Variants in SMPD3 observed in about 807,000 individuals in gnomAD.
SMPD3 encodes nSMase-2.
SMPD3 carries 21 observed loss-of-function variants against 55.7 expected under a neutral mutation model. That is an observed-to-expected ratio of 0.38 (90% CI 0.27 to 0.54). The LOEUF (loss-of-function observed/expected upper bound fraction) is 0.54, where lower values mean the gene tolerates loss of function less well. Ranked by LOEUF, SMPD3 falls within the 20% of genes least tolerant of loss-of-function variation. SMPD3 has a pLI of 0.80. For missense variants in SMPD3, 842 were observed against 899.6 expected (o/e 0.94, Z 0.82); for synonymous variants, 457 against 404.3 (o/e 1.13, Z -1.56).
chr16:68,396,782 A>G (rs2090161373), intron 1 of SMPD3, among the ~76,000 whole-genome samples: 1 of 152,254 alleles, frequency 6.6e-6, no homozygotes, highest in African/African-American at 2.4e-5. Flanking sequence ...TATTGCCTCA[A>G]TGAGGCTACT....
intron 1 of SMPD3, among the ~76,000 whole-genome samples, chr16:68,439,557 C>T (rs1597671280): frequency 6.6e-6 from 1 of 152,228 alleles, no homozygotes; most frequent in Non-Finnish European, 1.5e-5. Flanking sequence ...CCTCAATTCA[C>T]CCGCTATGCT....
intron 1 of SMPD3, among the ~76,000 whole-genome samples, chr16:68,408,317 C>G (rs1013865764): frequency 1.6e-4 from 25 of 152,146 alleles, no homozygotes; most frequent in African/African-American, 6.0e-4. Context: ...ATTGTAGCCA[C>G]ACATAAAGCT....
At chr16:68,436,276 C>A (rs1307778647) in intron 1 of SMPD3, among the ~76,000 whole-genome samples, 1 of 152,158 alleles carries the variant, frequency 6.6e-6, no homozygotes, top group Non-Finnish European at 1.5e-5. Context: ...GGCTTTTCCC[C>A]TTCTATGTGT....
chr16:68,406,859 A>G (rs1016203819), intron 1 of SMPD3, among the ~76,000 whole-genome samples: 1 of 152,196 alleles, frequency 6.6e-6, no homozygotes, highest in African/African-American at 2.4e-5. Flanking sequence ...ACAGACATTT[A>G]CAAACATTTG....
chr16:68,362,730 G>A (rs1360598808), intron 7 of SMPD3, among the ~76,000 whole-genome samples: 1 of 152,252 alleles, frequency 6.6e-6, no homozygotes, highest in Non-Finnish European at 1.5e-5. Flanking sequence ...TCAGGACATT[G>A]TTACAGCTCA....
chr16:68,375,884 T>G (rs1036081064), intron 2 of SMPD3, among the ~76,000 whole-genome samples: 2 of 152,198 alleles, frequency 1.3e-5, no homozygotes, highest in African/African-American at 2.4e-5. Context: ...ATGCCAGCCC[T>G]TCCCGCTGCC....
At chr16:68,368,783 A>G (rs9931501) in intron 3 of SMPD3, 118,772 of 152,172 alleles carry the variant, frequency 0.78, 47,237 homozygotes, top group African/African-American at 0.94. Flanking sequence ...AGGTGTCATG[A>G]TGGTTGCTGG....
At chr16:68,381,845 C>A (rs145636064) in intron 2 of SMPD3, among the ~76,000 whole-genome samples, 1 of 152,312 alleles carries the variant, frequency 6.6e-6, no homozygotes, top group East Asian at 1.9e-4. Flanking sequence ...AGTCCACTTA[C>A]TTGATGCTGA....
intron 1 of SMPD3, among the ~76,000 whole-genome samples, chr16:68,402,641 C>A (rs2090220368): frequency 6.6e-6 from 1 of 152,040 alleles, no homozygotes; most frequent in Non-Finnish European, 1.5e-5. Flanking sequence ...CCCCGATGAC[C>A]AACAGCGACC....
At chr16:68,364,013 T>G (rs1465469) in intron 5 of SMPD3, 147 bp from the exon 6 acceptor site, 403,421 of 674,034 alleles carry the variant, frequency 0.6, 122,826 homozygotes, top group East Asian at 0.8. Flanking sequence ...CTCAGTCCCA[T>G]TCAGGTGCCC....
intron 6 of SMPD3, 96 bp downstream of exon 6, chr16:68,363,681 C>T (rs2089386341): frequency 8.2e-6 from 12 of 1,456,094 alleles, no homozygotes; most frequent in Admixed American, 1.9e-5. Context: ...GGGGCCCTTC[C>T]CCAGCAGTGG....
At chr16:68,401,582 C>T (rs1201755020) in intron 1 of SMPD3, among the ~76,000 whole-genome samples, 1 of 152,078 alleles carries the variant, frequency 6.6e-6, no homozygotes, top group Non-Finnish European at 1.5e-5. Context: ...GTCCAAGAAT[C>T]TCCCTGAATC....
intron 1 of SMPD3, among the ~76,000 whole-genome samples, chr16:68,412,263 G>A (rs1205289315): frequency 6.6e-6 from 1 of 152,214 alleles, no homozygotes; most frequent in Non-Finnish European, 1.5e-5. Context: ...AGCAGCCCAA[G>A]CCCTGTGCCA....
At chr16:68,375,112 C>A (rs1597614324) in intron 2 of SMPD3, among the ~76,000 whole-genome samples, 1 of 152,318 alleles carries the variant, frequency 6.6e-6, no homozygotes, top group East Asian at 1.9e-4. Context: ...TCCTGCCTCA[C>A]CCCGGCACTG....
intron 1 of SMPD3, among the ~76,000 whole-genome samples, chr16:68,406,845 G>A (rs1012893889): frequency 6.6e-6 from 1 of 152,138 alleles, no homozygotes; most frequent in Non-Finnish European, 1.5e-5. Context: ...GAGGAGACAC[G>A]GCCACAGACA....
chr16:68,421,149 C>G (rs2090390161), intron 1 of SMPD3, among the ~76,000 whole-genome samples: 1 of 152,204 alleles, frequency 6.6e-6, no homozygotes, highest in Admixed American at 6.5e-5. Flanking sequence ...CAGAGACCAC[C>G]AGCATGTCGG....
At position 68,363,759 on chromosome 16, in the gene SMPD3, C is replaced by T; in HGVS notation, c.1645+18G>A. 1.9e-6 allele frequency: 3 copies of T among 1,553,452 alleles called. No homozygotes were observed. Among genetic ancestry groups the T allele is most frequent in the Non-Finnish European group, 2.6e-6 (3 of 1,149,392 alleles). ...TGGGGAGCCCAGCTCCCATCCTCCTCCCCCAGCCCCAGCTCACCGATGGCC... is the reference window on the plus strand; with the variant it reads ...TGGGGAGCCCAGCTCCCATCCTCCTTCCCCAGCCCCAGCTCACCGATGGCC... On this transcript the variant is annotated intron_variant, in intron 6 of 8. Coordinates refer to ENST00000219334, the MANE Select transcript of SMPD3 (RefSeq NM_018667.4).
intron 1 of SMPD3, among the ~76,000 whole-genome samples, chr16:68,416,000 A>G (rs1157409893): frequency 6.6e-6 from 1 of 152,204 alleles, no homozygotes; most frequent in Non-Finnish European, 1.5e-5. Context: ...TAGGGTAGCT[A>G]TTTAAAGAGT....
intron 1 of SMPD3, among the ~76,000 whole-genome samples, chr16:68,415,476 C>T (rs1408559640): frequency 1.3e-5 from 2 of 152,142 alleles, no homozygotes; most frequent in African/African-American, 2.4e-5. Flanking sequence ...GGTTTGTTTT[C>T]CTGGACAGAA....
Sources: gnomAD v4.1 joint callset for allele counts (sites outside exome capture counted in the v4.1 genomes callset) on GRCh38, gnomAD v4.1.1 for gene constraint, MANE v1.5 for transcripts, NCBI Gene and HGNC (gene_info 2026-07-23, HGNC 2026-07-21) for gene names.